KAT5: variants seen among roughly 807,000 people sequenced by gnomAD.
KAT5 encodes the protein histone acetyltransferase KAT5.
A neutral mutation model predicts 68.1 loss-of-function variants in KAT5; 31 were observed. The ratio of observed to expected loss-of-function variants is 0.46; its 90% confidence interval spans 0.34 to 0.61. The LOEUF is 0.61. Ranked by LOEUF, KAT5 falls within the 20% of genes least tolerant of loss-of-function variation. The pLI is 0.01. For synonymous variants in KAT5, 365 were observed against 292.6 expected (o/e 1.25, Z -2.52); for missense variants, 451 against 725.5 (o/e 0.62, Z 4.35).
chr11:65,716,628 C>T (rs934529776), intron 8 of KAT5, 39 bp from the exon 9 acceptor site: 15 of 1,601,366 alleles, frequency 9.4e-6, no homozygotes, highest in Non-Finnish European at 1.3e-5. Context: ...AGGCTCAAGG[C>T]GGGATACCCA....
At position 65,713,336 on chromosome 11, in the gene KAT5, C is replaced by G. The variant is rs1857087962; in HGVS notation, c.385-12C>G. On this transcript the variant is annotated splice_polypyrimidine_tract_variant and intron_variant, in intron 3 of 12. Coordinates refer to ENST00000341318, the MANE Select transcript of KAT5 (RefSeq NM_182710.3). ...CCCGCCCCAAAGGAAGACCCTGGAC[C>G]TATCTCTACAGCCGGCCTCGGCGCA... 1.2e-6 allele frequency: 2 copies of G among 1,613,760 alleles called. No homozygotes were observed.
rs1227864904 is a variant in KAT5 at position 65,718,714 on chromosome 11, G to A, written c.1389G>A (p.Lys463=). 1.2e-6 allele frequency: 2 copies of A among 1,614,202 alleles called. No individual in the cohort carries two copies. The highest frequency in any genetic ancestry group is 2.2e-5 in the East Asian group (1 of 44,884). ...QTILEILMGL[K]SESGERPQIT... is the part of the protein sequence containing the mutation. Reference sequence around the variant, plus strand: ...TCCTGGAGATCCTGATGGGGCTGAAGTCGGAGAGCGGGGAGAGGCCACAGA... The same window carrying A: ...TCCTGGAGATCCTGATGGGGCTGAAATCGGAGAGCGGGGAGAGGCCACAGA... The change falls in exon 11 of 13, where the codon AAG becomes AAA. Residue 463 remains lysine (K), a synonymous_variant. Coordinates refer to ENST00000341318, the MANE Select transcript of KAT5 (RefSeq NM_182710.3).
Position 65,719,249 on chromosome 11 carries a change from C to A in KAT5, c.*68C>A, listed in dbSNP as rs1857314890. The A allele has an allele frequency of 6.4e-7, 1 of 1,557,754 alleles. No individual in the cohort carries two copies. The highest frequency in any genetic ancestry group is 1.2e-5 in the South Asian group (1 of 86,376). The stretch of plus-strand genomic sequence containing the variant: ...GGGCTGATAGCCCACCCCGCCCCCA[C>A]TGCAGCTCCCACAAAGCACTCTAAG... On this transcript the variant is annotated 3_prime_UTR_variant, in exon 13 of 13. Coordinates refer to ENST00000341318, the MANE Select transcript of KAT5 (RefSeq NM_182710.3).
rs377190873 is a variant in KAT5, at chr11:65,714,929, G to A, written c.1029+19G>A. On this transcript the variant is annotated intron_variant, in intron 8 of 12. Coordinates refer to ENST00000341318, the MANE Select transcript of KAT5 (RefSeq NM_182710.3). ...GAACAAGGTTAGTGCTTGAGAGGCA[G>A]TGAGGCGCTGGGGTGAATCAAATGA... 3 of 1,600,476 alleles carry A rather than the reference G, an allele frequency of 1.9e-6. No individual in the cohort carries two copies. The highest frequency in any genetic ancestry group is 2.2e-5 in the South Asian group (2 of 90,822).
chr11:65,712,467 G>T lies in KAT5; in HGVS notation c.178+22G>T, dbSNP rs772131194. 3 of 1,578,640 alleles carry T rather than the reference G, an allele frequency of 1.9e-6. 1 individual carries two copies. The South Asian group carries it at 3.5e-5, about 18-fold the overall frequency. On this transcript the variant is annotated intron_variant, in intron 1 of 12. Transcript: ENST00000341318. ...TGGCGTGAGTGACGTTGGGGGGCGG[G>T]ACTAAGGAACCTGAGGGCGAGGGGC...
At chr11:65,718,513 T>G in intron 10 of KAT5, 77 bp from the exon 11 acceptor site, 1 of 1,503,238 alleles carries the variant, frequency 6.7e-7, no homozygotes, top group Non-Finnish European at 9.1e-7. Context: ...CAGCCTGCCT[T>G]GGCAACCTGT....
chr11:65,717,366 C>T (rs1260231129), intron 10 of KAT5: 2 of 310,468 alleles, frequency 6.4e-6, no homozygotes, highest in Non-Finnish European at 1.2e-5. Flanking sequence ...CCAGTTGTCC[C>T]CTGAGCCTTG....
Position 65,718,878 on chromosome 11 carries a change from T to G in KAT5, c.1430T>G (p.Ile477Ser). 1 of 1,614,092 alleles carries G rather than the reference T, an allele frequency of 6.2e-7. No homozygotes were observed. Among genetic ancestry groups the G allele is most frequent in the Non-Finnish European group, 8.5e-7 (1 of 1,180,000 alleles). The part of the protein sequence containing the change: ...GERPQITINE[I>S]SEITSIKKED... The stretch of plus-strand genomic sequence containing the variant: ...TGACCTGTGCTCTCCCACAGTGAGA[T>G]TAGTGAAATCACCAGCATCAAGAAG... Residue 477 changes from isoleucine (I) to serine (S), a missense_variant, in exon 12 of 13, where the codon ATT becomes AGT. Around this residue, in one of 4 missense-constraint regions of KAT5, gnomAD observed 210 missense variants for 423.7 expected, o/e 0.50. Transcript: ENST00000341318.
At chr11:65,717,067 A>C (rs963618983) in intron 10 of KAT5, 85 bp downstream of exon 10, 49 of 1,088,720 alleles carry the variant, frequency 4.5e-5, no homozygotes, top group Middle Eastern at 2.0e-4. Flanking sequence ...GTGATTCTCA[A>C]CCCTGGCTGT....
chr11:65,713,095 C>T (rs1303550969), intron 3 of KAT5, 37 bp downstream of exon 3: 12 of 1,609,980 alleles, frequency 7.5e-6, no homozygotes, highest in African/African-American at 2.7e-5. Context: ...TCTCTCCTGC[C>T]TCCTATTTCT....
chr11:65,712,640 G>A (rs1473400675), intron 1 of KAT5, 126 bp from the exon 2 acceptor site: 2 of 1,273,152 alleles, frequency 1.6e-6, no homozygotes, highest in Non-Finnish European at 2.3e-6. Flanking sequence ...TGTGACTGAA[G>A]GAGGCTTAGG....
chr11:65,712,527 G>C (rs1857055171), intron 1 of KAT5, 82 bp downstream of exon 1: 2 of 1,488,026 alleles, frequency 1.3e-6, no homozygotes, highest in African/African-American at 2.8e-5. Context: ...GGGGAGGGGC[G>C]TCTGGAATTA....
rs1256599231 is a variant in KAT5, at chr11:65,714,892, T to C, written c.1011T>C (p.Ile337=). 1.2e-6 allele frequency: 2 copies of C among 1,613,998 alleles called. No homozygotes were observed. Among genetic ancestry groups the C allele is most frequent in the Non-Finnish European group, 1.7e-6 (2 of 1,179,950 alleles). The change falls in exon 8 of 13, where the codon ATT becomes ATC. Residue 337 remains isoleucine, a synonymous_variant. Coordinates refer to ENST00000341318, the MANE Select transcript of KAT5 (RefSeq NM_182710.3). ...YRKGTISFFE[I]DGRKNKSYSQ... is the part of the protein sequence containing the mutation. ...AGGGCACCATCTCCTTCTTTGAGAT[T>C]GATGGACGTAAGAACAAGGTTAGTG...
chr11:65,718,398 C>G, intron 10 of KAT5, 192 bp from the exon 11 acceptor site: 2 of 620,416 alleles, frequency 3.2e-6, no homozygotes, highest in Non-Finnish European at 5.7e-6. Flanking sequence ...CCACTGTGCT[C>G]AGCGCACGGA....
At position 65,713,360 on chromosome 11, in the gene KAT5, C is replaced by T. The variant is rs1857089051; in HGVS notation, c.397C>T (p.Gln133Ter). 6.2e-7 allele frequency: 1 copy of T among 1,613,906 alleles called. No individual in the cohort carries two copies. Among genetic ancestry groups the T allele is most frequent in the Admixed American group, 1.7e-5 (1 of 59,990 alleles). Residue 133 changes from glutamine (Q) to a stop codon, truncating the protein, a stop_gained, in exon 4 of 13, where the codon CAG (glutamine) becomes TAG (stop). Coordinates refer to ENST00000341318, the MANE Select transcript of KAT5 (RefSeq NM_182710.3). LOFTEE classifies it high-confidence loss of function. ...SPEREVPASA[Q>*]ASGKTLPIPV... ...CCTATCTCTACAGCCGGCCTCGGCG[C>T]AGGCCAGCGGGAAGACCTTGCCAAT...
chr11:65,713,086 C>T (rs780220746), intron 3 of KAT5, 28 bp downstream of exon 3: 8 of 1,611,458 alleles, frequency 5.0e-6, no homozygotes, highest in Non-Finnish European at 6.8e-6. Context: ...TTCACCTTTT[C>T]TCTCCTGCCT....
At chr11:65,713,095 C>G (rs1303550969) in intron 3 of KAT5, 37 bp downstream of exon 3, 3 of 1,610,098 alleles carry the variant, frequency 1.9e-6, no homozygotes, top group South Asian at 1.1e-5. Context: ...TCTCTCCTGC[C>G]TCCTATTTCT....
intron 10 of KAT5, chr11:65,718,295 A>G (rs914117894): frequency 3.2e-6 from 1 of 307,982 alleles, no homozygotes; most frequent in African/African-American, 2.1e-5. Flanking sequence ...CCCATGAGCC[A>G]TTTTCTCTGC....
chr11:65,716,331 A>C (rs1388873082), intron 8 of KAT5: 1 of 276,370 alleles, frequency 3.6e-6, no homozygotes, highest in African/African-American at 2.2e-5. Context: ...TGGACACATT[A>C]GTTCGTTGGC....
Sources: gnomAD v4.1 joint callset for allele counts on GRCh38, gnomAD v4.1.1 for gene constraint, gnomAD v4.1.1 regional missense constraint, MANE v1.5 for transcripts, NCBI Gene and HGNC (gene_info 2026-07-23, HGNC 2026-07-21) for gene names.